Variants in CCDC73 observed in about 807,000 individuals in gnomAD.
CCDC73 encodes coiled-coil domain-containing protein 73.
A neutral mutation model predicts 116.5 loss-of-function variants in CCDC73; 95 were observed. That is an observed-to-expected ratio of 0.82 (90% CI 0.69 to 0.97). The LOEUF (loss-of-function observed/expected upper bound fraction) is 0.97. Among genes scored for constraint, CCDC73 ranks in the 50% least tolerant of loss-of-function variants. The probability of loss-of-function intolerance (pLI) is 0.00; values close to 1 mark genes in which losing one functional copy is unlikely to be tolerated. For missense variants in CCDC73, 1,066 were observed against 1,206.8 expected (o/e 0.88, Z 1.73); for synonymous variants, 398 against 401.3 (o/e 0.99, Z 0.10).
intron 17 of CCDC73, among the ~76,000 whole-genome samples, chr11:32,609,304 A>G (rs1457687083): frequency 6.6e-6 from 1 of 152,208 alleles, no homozygotes; most frequent in Non-Finnish European, 1.5e-5. Flanking sequence ...TTCTTCTGCC[A>G]GATACCCTAA....
At chr11:32,743,921 G>A (rs1001295723) in intron 2 of CCDC73, among the ~76,000 whole-genome samples, 3 of 151,908 alleles carry the variant, frequency 2.0e-5, no homozygotes, top group South Asian at 2.1e-4. Flanking sequence ...CCTGACTGCC[G>A]TGGCCAGAAC....
chr11:32,784,187 G>A (rs1461456704), intron 1 of CCDC73, among the ~76,000 whole-genome samples: 1 of 152,014 alleles, frequency 6.6e-6, no homozygotes, highest in Non-Finnish European at 1.5e-5. Context: ...AAAATTAGCC[G>A]GGCGTCGTGG....
chr11:32,817,420 A>T, the CCDC73 span, among the ~76,000 whole-genome samples: 1 of 152,220 alleles, frequency 6.6e-6, no homozygotes, highest in African/African-American at 2.4e-5. Flanking sequence ...CCAGTAGACT[A>T]TTTGAGTATT....
At chr11:32,795,447 G>A (rs1299049013), upstream of CCDC73, among the ~76,000 whole-genome samples, 1 of 148,262 alleles carries the variant, frequency 6.7e-6, no homozygotes, top group African/African-American at 2.5e-5. Flanking sequence ...CTCCAGCCTA[G>A]GCAATGGAGC....
At chr11:32,647,992 A>T (rs1855793343) in intron 12 of CCDC73, among the ~76,000 whole-genome samples, 1 of 152,162 alleles carries the variant, frequency 6.6e-6, no homozygotes, top group Non-Finnish European at 1.5e-5. Context: ...CCAGCAAACC[A>T]CTAGATCCCC....
chr11:32,658,013 C>G (rs542345661), intron 9 of CCDC73, among the ~76,000 whole-genome samples: 1 of 142,842 alleles, frequency 7.0e-6, no homozygotes, highest in East Asian at 2.0e-4. Flanking sequence ...ACCCCCTACC[C>G]TAGTCTCTTT....
intron 12 of CCDC73, among the ~76,000 whole-genome samples, chr11:32,644,983 G>A (rs1855764494): frequency 1.3e-5 from 2 of 152,090 alleles, no homozygotes; most frequent in Admixed American, 6.5e-5. Context: ...ACCATAGTTT[G>A]TTTACACATT....
At chr11:32,774,189 G>A (rs1476365835) in intron 1 of CCDC73, among the ~76,000 whole-genome samples, 1 of 152,140 alleles carries the variant, frequency 6.6e-6, no homozygotes, top group African/African-American at 2.4e-5. Flanking sequence ...TGCAGGGAAG[G>A]AGACCTGGAA....
intron 12 of CCDC73, among the ~76,000 whole-genome samples, chr11:32,643,645 A>G (rs1432768238): frequency 6.6e-6 from 1 of 152,178 alleles, no homozygotes; most frequent in Non-Finnish European, 1.5e-5. Flanking sequence ...ATGAAAAGGT[A>G]CAGTAAAAAA....
chr11:32,719,239 A>C (rs1341493929), intron 2 of CCDC73, among the ~76,000 whole-genome samples: 1 of 152,232 alleles, frequency 6.6e-6, no homozygotes, highest in African/African-American at 2.4e-5. Flanking sequence ...AGAAATCTGA[A>C]GCTTCTGCTG....
intron 2 of CCDC73, among the ~76,000 whole-genome samples, chr11:32,752,285 C>G (rs534731517): frequency 6.6e-6 from 1 of 152,304 alleles, no homozygotes; most frequent in South Asian, 2.1e-4. Context: ...ACAAATATAA[C>G]AGCATCATTT....
upstream of CCDC73, chr11:32,794,788 G>A (rs552294203): frequency 6.6e-6 from 1 of 152,206 alleles, no homozygotes; most frequent in South Asian, 2.1e-4. Flanking sequence ...AAAGATACCT[G>A]GATATTTGAT....
chr11:32,641,974 G>T lies in CCDC73; in HGVS notation c.1048C>A (p.His350Asn). The part of the protein sequence containing the change: ...HEKALGTWKR[H>N]AEELNGEINK... Reference sequence around the variant, plus strand: ...ATTTTTCTATTTAATAAACTTACATGTCTTTTCCAAGTTCCTAGTGCTTTT... The same window carrying T: ...ATTTTTCTATTTAATAAACTTACATTTCTTTTCCAAGTTCCTAGTGCTTTT... The change falls in exon 13 of 18, where the codon CAT becomes AAT. Residue 350 changes from histidine to asparagine, a missense_variant and splice_region_variant. By Grantham distance (68) the His-to-Asn change is moderately conservative. Coordinates refer to ENST00000335185, the MANE Select transcript of CCDC73 (RefSeq NM_001008391.4). The T allele has an allele frequency of 6.7e-7, 1 of 1,493,506 alleles. No individual in the cohort carries two copies. Among genetic ancestry groups the T allele is most frequent in the African/African-American group, 1.4e-5 (1 of 70,328 alleles). The allele number at this position is 1,493,506 out of a possible 1,614,324, so 92.5% of individuals were successfully genotyped here. A position where few individuals can be genotyped will look rare whatever the true frequency, so the allele number is the denominator to read the frequency against.
intron 2 of CCDC73, among the ~76,000 whole-genome samples, chr11:32,734,204 C>T (rs75371187): frequency 6.6e-6 from 1 of 152,162 alleles, no homozygotes; most frequent in East Asian, 1.9e-4. Context: ...CACATACACC[C>T]TCCCAAGACT....
At chr11:32,793,784 T>C (rs2133410585) in intron 1 of CCDC73, among the ~76,000 whole-genome samples, 1 of 152,096 alleles carries the variant, frequency 6.6e-6, no homozygotes, top group Non-Finnish European at 1.5e-5. Context: ...CTAATTTTTG[T>C]ATTTTTAGTA....
chr11:32,759,242 T>G (rs889437154), intron 2 of CCDC73, among the ~76,000 whole-genome samples: 2 of 152,008 alleles, frequency 1.3e-5, no homozygotes, highest in African/African-American at 4.8e-5. Context: ...GAGTTAAAAT[T>G]TAGACCCATA....
rs2133314346 is a variant in CCDC73 at position 32,700,677 on chromosome 11, C to G, written c.315+114G>C. Reference sequence around the variant, plus strand: ...TCTCTATTAGTTTGTTACTAATGCTCTTTTCTCTTATGGTAAACAATGGAT... The same window carrying G: ...TCTCTATTAGTTTGTTACTAATGCTGTTTTCTCTTATGGTAAACAATGGAT... On this transcript the variant is annotated intron_variant, in intron 5 of 17. Coordinates refer to ENST00000335185, the MANE Select transcript of CCDC73 (RefSeq NM_001008391.4). 7.6e-6 allele frequency: 4 copies of G among 524,138 alleles called. No individual in the cohort carries two copies. The East Asian group carries it at 1.3e-4, about 17-fold the overall frequency. 32.5% of individuals were successfully genotyped at this position (524,138 alleles called of 1,614,324 possible). A position where few individuals can be genotyped will look rare whatever the true frequency, so the allele number is the denominator to read the frequency against.
the CCDC73 span, among the ~76,000 whole-genome samples, chr11:32,824,351 T>C: frequency 1.3e-5 from 2 of 152,168 alleles, no homozygotes; most frequent in African/African-American, 4.8e-5. Context: ...TTTTATATAA[T>C]ATACAAATTA....
intron 14 of CCDC73, among the ~76,000 whole-genome samples, chr11:32,621,988 G>T (rs1855526431): frequency 6.6e-6 from 1 of 152,112 alleles, no homozygotes; most frequent in East Asian, 1.9e-4. Flanking sequence ...TCAGAATGGT[G>T]ATTATTAAGA....
Sources: allele counts gnomAD v4.1 joint callset (sites outside exome capture counted in the v4.1 genomes callset), GRCh38; gene constraint gnomAD v4.1.1; transcripts MANE v1.5; gene names NCBI Gene and HGNC (gene_info 2026-07-23, HGNC 2026-07-21).